Variants in HNF4G observed in about 807,000 individuals in gnomAD.
HNF4G encodes hepatocyte nuclear factor 4-gamma.
In HNF4G, 21 loss-of-function variants were observed where a neutral mutation model predicts 50.9. The observed-to-expected ratio is 0.41, with a 90% CI of 0.29 to 0.59. The LOEUF (loss-of-function observed/expected upper bound fraction) is 0.59, where lower values mean the gene tolerates loss of function less well. Among genes scored for constraint, HNF4G ranks in the 20% least tolerant of loss-of-function variants. HNF4G has a pLI of 0.26. For synonymous variants in HNF4G, 198 were observed against 185.6 expected (o/e 1.07, Z -0.54); for missense variants, 527 against 559.4 (o/e 0.94, Z 0.58).
At chr8:75,474,830 T>G (rs10107701) in intron 1 of HNF4G, among the ~76,000 whole-genome samples, 1 of 151,564 alleles carries the variant, frequency 6.6e-6, no homozygotes, top group Non-Finnish European at 1.5e-5. Context: ...CCGGAGTAGC[T>G]GGTATTACAG....
chr8:75,555,330 T>C (rs1195111265), intron 5 of HNF4G, among the ~76,000 whole-genome samples: 1 of 152,008 alleles, frequency 6.6e-6, no homozygotes. Flanking sequence ...CATTGGTAGG[T>C]GTTAAATTTG....
chr8:75,486,981 GT>G (rs1466519788), intron 1 of HNF4G, among the ~76,000 whole-genome samples: 2 of 152,174 alleles, frequency 1.3e-5, no homozygotes, highest in Non-Finnish European at 2.9e-5. Context: ...ACTCCAGCAT[GT>G]GCGACAGAGC....
At chr8:75,465,044 T>C (rs1176098316) in intron 1 of HNF4G, among the ~76,000 whole-genome samples, 1 of 152,136 alleles carries the variant, frequency 6.6e-6, no homozygotes, top group Non-Finnish European at 1.5e-5. Flanking sequence ...CATCCTTCAA[T>C]AGAGGGAGTA....
chr8:75,514,363 TTTC>T (rs990215636), intron 2 of HNF4G, among the ~76,000 whole-genome samples: 1 of 146,516 alleles, frequency 6.8e-6, no homozygotes, highest in African/African-American at 2.6e-5. Context: ...TCTTTTTTTT[TTTC>T]TTTCTTTTTT....
chr8:75,415,658 T>C (rs1810616497), intron 1 of HNF4G, among the ~76,000 whole-genome samples: 1 of 152,228 alleles, frequency 6.6e-6, no homozygotes, highest in South Asian at 2.1e-4. Context: ...TCAATTTGCT[T>C]TAGTCCTGTG....
Position 75,543,822 on chromosome 8 carries a change from C to G in HNF4G, c.130C>G (p.Pro44Ala), listed in dbSNP as rs757836304. 1.9e-6 allele frequency: 3 copies of G among 1,610,882 alleles called. No individual in the cohort carries two copies. The highest frequency in any genetic ancestry group is 2.2e-5 in the South Asian group (2 of 90,584). ...TTTTTTATTGACAGATAGTTCTGCC[C>G]CAGAGACAAGTATGAATACCACAGA... ...ILYNSSDSSA[P>A]ETSMNTTDNG... Residue 44 changes from proline to alanine, a missense_variant, in exon 2 of 10, where the codon CCA becomes GCA. Coordinates refer to ENST00000396423, the MANE Select transcript of HNF4G (RefSeq NM_004133.5).
chr8:75,558,390 A>G, intron 6 of HNF4G, 128 bp from the exon 7 acceptor site: 1 of 747,920 alleles, frequency 1.3e-6, no homozygotes, highest in Non-Finnish European at 2.1e-6. Context: ...CTGAGAGAGG[A>G]AGTACATCAC....
intron 2 of HNF4G, among the ~76,000 whole-genome samples, chr8:75,508,078 A>G (rs1463857657): frequency 6.6e-6 from 1 of 152,182 alleles, no homozygotes; most frequent in Non-Finnish European, 1.5e-5. Flanking sequence ...TGGCTAAACA[A>G]CATTATAAGA....
At chr8:75,428,554 G>T (rs1054939585) in intron 1 of HNF4G, among the ~76,000 whole-genome samples, 7 of 152,134 alleles carry the variant, frequency 4.6e-5, no homozygotes, top group Admixed American at 2.0e-4. Flanking sequence ...TCAAGAAAGC[G>T]CAGAAAGAGC....
intron 2 of HNF4G, among the ~76,000 whole-genome samples, chr8:75,510,172 A>C (rs752850432): frequency 6.6e-6 from 1 of 152,102 alleles, no homozygotes; most frequent in Non-Finnish European, 1.5e-5. Context: ...TTTTAACAAA[A>C]GTTTAAAAAG....
chr8:75,546,984 C>T (rs534597488), intron 2 of HNF4G, among the ~76,000 whole-genome samples: 1 of 152,102 alleles, frequency 6.6e-6, no homozygotes. Flanking sequence ...AACATTTTAA[C>T]CAGCAGTGTA....
At chr8:75,544,077 TAA>T in intron 2 of HNF4G, 98 bp downstream of exon 2, 2 of 1,041,534 alleles carry the variant, frequency 1.9e-6, no homozygotes, top group Non-Finnish European at 2.8e-6. Flanking sequence ...CGTATATCTG[TAA>T]GTCTATAAAT....
intron 1 of HNF4G, among the ~76,000 whole-genome samples, chr8:75,455,067 A>T (rs1006481705): frequency 2.6e-5 from 4 of 152,166 alleles, no homozygotes; most frequent in African/African-American, 4.8e-5. Flanking sequence ...TTTTGTGTAA[A>T]TAATACATTC....
upstream of HNF4G, among the ~76,000 whole-genome samples, chr8:75,539,692 T>C (rs572088658): frequency 6.6e-6 from 1 of 152,330 alleles, no homozygotes; most frequent in African/African-American, 2.4e-5. Flanking sequence ...GAAATCATGT[T>C]AGTCCACTAA....
intron 1 of HNF4G, among the ~76,000 whole-genome samples, chr8:75,542,387 T>A (rs1419643197): frequency 6.6e-6 from 1 of 152,074 alleles, no homozygotes; most frequent in Non-Finnish European, 1.5e-5. Flanking sequence ...TTTAAATGTG[T>A]GTTCAGAGAA....
intron 2 of HNF4G, among the ~76,000 whole-genome samples, chr8:75,531,885 G>A (rs1412464147): frequency 6.6e-6 from 1 of 151,922 alleles, no homozygotes; most frequent in Non-Finnish European, 1.5e-5. Flanking sequence ...AAAGACAACT[G>A]TATTCATTGG....
upstream of HNF4G, among the ~76,000 whole-genome samples, chr8:75,535,782 T>C (rs1166458519): frequency 6.6e-6 from 1 of 151,904 alleles, no homozygotes; most frequent in Non-Finnish European, 1.5e-5. Context: ...AATCACGCTG[T>C]GTAAGAATGA....
At chr8:75,484,807 A>T (rs1812460746) in intron 1 of HNF4G, among the ~76,000 whole-genome samples, 1 of 152,220 alleles carries the variant, frequency 6.6e-6, no homozygotes. Context: ...GTGAATTGCA[A>T]GGCACTCTCT....
intron 1 of HNF4G, among the ~76,000 whole-genome samples, chr8:75,411,547 A>C (rs894099497): frequency 7.9e-5 from 12 of 152,246 alleles, no homozygotes; most frequent in Non-Finnish European, 1.6e-4. Flanking sequence ...TTTACATGAT[A>C]GAATTAGCTG....
Sources: allele counts gnomAD v4.1 joint callset (sites outside exome capture counted in the v4.1 genomes callset), GRCh38; gene constraint gnomAD v4.1.1; transcripts MANE v1.5; gene names NCBI Gene and HGNC (gene_info 2026-07-23, HGNC 2026-07-21).